TAFA2: variants seen among roughly 807,000 people sequenced by gnomAD.
TAFA2 encodes the protein TAFA chemokine like family member 2.
In TAFA2, 7 loss-of-function variants were observed where a neutral mutation model predicts 18.8. The observed-to-expected ratio is 0.37, with a 90% confidence interval of 0.21 to 0.70. The LOEUF (loss-of-function observed/expected upper bound fraction) is 0.70. Ranked by LOEUF, TAFA2 falls within the 30% of genes least tolerant of loss-of-function variation. The pLI is 0.53. For missense variants in TAFA2, 122 were observed against 158.1 expected (o/e 0.77, Z 1.23); for synonymous variants, 60 against 54.2 (o/e 1.11, Z -0.47).
chr12:62,208,088 G>A (rs895951892), intron 1 of TAFA2, among the ~76,000 whole-genome samples: 22 of 152,112 alleles, frequency 1.4e-4, no homozygotes, highest in African/African-American at 5.3e-4. Flanking sequence ...AAGAGTCCAT[G>A]GGAAAATCTA....
chr12:61,943,446 C>A (rs1251912143), intron 1 of TAFA2, among the ~76,000 whole-genome samples: 1 of 147,710 alleles, frequency 6.8e-6, no homozygotes. Flanking sequence ...CAAATTCACA[C>A]ATAACAATAT....
chr12:62,125,832 A>T (rs1834574656), intron 1 of TAFA2, among the ~76,000 whole-genome samples: 1 of 152,106 alleles, frequency 6.6e-6, no homozygotes, highest in African/African-American at 2.4e-5. Context: ...TCTTTCTTTA[A>T]ACTTTCTGAG....
intron 1 of TAFA2, among the ~76,000 whole-genome samples, chr12:62,109,547 T>C (rs182223540): frequency 2.6e-5 from 4 of 152,290 alleles, no homozygotes; most frequent in South Asian, 2.1e-4. Flanking sequence ...GGGGATAACA[T>C]TGAATCTGTA....
At chr12:62,128,916 G>C (rs1870573740) in intron 1 of TAFA2, among the ~76,000 whole-genome samples, 1 of 152,002 alleles carries the variant, frequency 6.6e-6, no homozygotes, top group African/African-American at 2.4e-5. Context: ...TGTGAAAGAG[G>C]TTACTGCAGA....
intron 1 of TAFA2, among the ~76,000 whole-genome samples, chr12:62,030,379 G>T (rs1029678677): frequency 6.6e-6 from 1 of 152,116 alleles, no homozygotes; most frequent in Non-Finnish European, 1.5e-5. Flanking sequence ...TGTTAATATG[G>T]GAGAAATAGA....
chr12:61,964,861 C>T (rs1342890217), intron 1 of TAFA2, among the ~76,000 whole-genome samples: 1 of 151,806 alleles, frequency 6.6e-6, no homozygotes, highest in Non-Finnish European at 1.5e-5. Flanking sequence ...CTAATTTATT[C>T]CTACTATCCC....
chr12:62,043,623 A>T (rs1050921520), intron 1 of TAFA2, among the ~76,000 whole-genome samples: 2 of 152,184 alleles, frequency 1.3e-5, no homozygotes, highest in African/African-American at 4.8e-5. Context: ...TAATAATAAA[A>T]TTTAAAAAAA....
intron 2 of TAFA2, among the ~76,000 whole-genome samples, chr12:61,792,983 C>T (rs2120932528): frequency 6.6e-6 from 1 of 151,492 alleles, no homozygotes; most frequent in Non-Finnish European, 1.5e-5. Flanking sequence ...AGAACATTTA[C>T]CAAACTATAC....
chr12:62,153,415 C>G (rs746419530), intron 1 of TAFA2, among the ~76,000 whole-genome samples: 3 of 152,170 alleles, frequency 2.0e-5, no homozygotes, highest in Non-Finnish European at 4.4e-5. Flanking sequence ...GTAATCCCAG[C>G]ACTTTGGGAG....
intron 2 of TAFA2, among the ~76,000 whole-genome samples, chr12:61,759,292 C>T (rs1411134436): frequency 6.6e-6 from 1 of 152,032 alleles, no homozygotes; most frequent in African/African-American, 2.4e-5. Context: ...TACTGTACTT[C>T]ACCACTCCAT....
At chr12:61,820,993 C>T (rs1872297441) in intron 2 of TAFA2, among the ~76,000 whole-genome samples, 2 of 151,960 alleles carry the variant, frequency 1.3e-5, no homozygotes, top group Admixed American at 1.3e-4. Flanking sequence ...ATGTCTGTAC[C>T]TTCCCTAATT....
At chr12:61,814,906 T>C (rs1048640701) in intron 2 of TAFA2, among the ~76,000 whole-genome samples, 8 of 151,438 alleles carry the variant, frequency 5.3e-5, no homozygotes, top group Admixed American at 2.0e-4. Flanking sequence ...AAAGGACAAA[T>C]AGATTTTTCC....
intron 1 of TAFA2, among the ~76,000 whole-genome samples, chr12:61,896,967 G>T (rs1447521808): frequency 6.6e-6 from 1 of 151,996 alleles, no homozygotes; most frequent in Non-Finnish European, 1.5e-5. Context: ...TCTATTGAGG[G>T]TCCAGATGAT....
chr12:62,017,169 G>A (rs1027854833), intron 1 of TAFA2, among the ~76,000 whole-genome samples: 3 of 152,140 alleles, frequency 2.0e-5, no homozygotes, highest in Admixed American at 2.0e-4. Flanking sequence ...TTTCCTTGAG[G>A]GGATGGAGGA....
intron 2 of TAFA2, among the ~76,000 whole-genome samples, chr12:61,842,948 A>G (rs1873247275): frequency 6.6e-6 from 1 of 152,054 alleles, no homozygotes; most frequent in Admixed American, 6.6e-5. Flanking sequence ...GTATATGCTT[A>G]AGAGAAGATG....
intron 1 of TAFA2, among the ~76,000 whole-genome samples, chr12:62,014,792 T>A (rs17125669): frequency 0.019 from 2,898 of 152,230 alleles, 110 homozygotes; most frequent in African/African-American, 0.067. Context: ...CTTTTCCACA[T>A]AAATTGATAA....
intron 2 of TAFA2, among the ~76,000 whole-genome samples, chr12:61,811,628 G>T (rs1374054319): frequency 6.6e-6 from 1 of 151,322 alleles, no homozygotes; most frequent in Non-Finnish European, 1.5e-5. Flanking sequence ...CTATAATATT[G>T]CAGAGTATTG....
In TAFA2 at chr12:61,826,452, A is replaced by C. The variant is rs151288742; in HGVS notation, c.106+40868T>G. Reference sequence around the variant, plus strand: ...TTAATAAATGCTTAAAAGAAACATGAAATCTGAGAAATGCAGAATGACAAA... The same window carrying C: ...TTAATAAATGCTTAAAAGAAACATGCAATCTGAGAAATGCAGAATGACAAA... On this transcript the variant is annotated intron_variant, in intron 2 of 4. Coordinates refer to ENST00000416284, the MANE Select transcript of TAFA2 (RefSeq NM_178539.5). Among the ~76,000 whole-genome samples the C allele has an allele frequency of 7.6e-4, 115 of 152,134 alleles. 1 individual carries two copies. The highest frequency in any genetic ancestry group is 2.6e-3 in the African/African-American group (106 of 41,538).
At chr12:61,989,206 T>C (rs889884654) in intron 1 of TAFA2, among the ~76,000 whole-genome samples, 8 of 152,122 alleles carry the variant, frequency 5.3e-5, no homozygotes, top group African/African-American at 1.9e-4. Context: ...TGCAGCAGCA[T>C]GGAATTCTAA....
Sources: allele counts gnomAD v4.1 joint callset (sites outside exome capture counted in the v4.1 genomes callset), GRCh38; gene constraint gnomAD v4.1.1; transcripts MANE v1.5; gene names NCBI Gene and HGNC (gene_info 2026-07-23, HGNC 2026-07-21).